The following TACR3 variants were observed in gnomAD, a reference collection of about 807,000 sequenced individuals.
The protein encoded by TACR3 is neuromedin-K receptor.
Under a neutral mutation model 35.0 loss-of-function variants are expected in TACR3, and 34 were observed. The ratio of observed to expected loss-of-function variants is 0.97; its 90% confidence interval spans 0.74 to 1.30. The LOEUF is 1.30. Ranked by LOEUF, TACR3 falls within the 50% of genes most tolerant of loss-of-function variation. The pLI is 0.00. For missense variants in TACR3, 558 were observed against 591.7 expected (o/e 0.94, Z 0.59); for synonymous variants, 233 against 221.1 (o/e 1.05, Z -0.48).
chr4:103,650,724 A>ATTTTTTT lies in TACR3; in HGVS notation c.888+5469_888+5470insAAAAAAA, dbSNP rs1553971532. On this transcript the variant is annotated intron_variant, in intron 3 of 4. Coordinates refer to ENST00000304883, the MANE Select transcript of TACR3 (RefSeq NM_001059.3). Reference sequence around the variant, plus strand: ...TTATATATATAAATATATATAAATAAATATATATTATATCATATATAATAT... The same window carrying ATTTTTTT: ...TTATATATATAAATATATATAAATAATTTTTTTATATATATTATATCATATATAATAT... Among the ~76,000 whole-genome samples, 55 of 47,830 alleles carry ATTTTTTT rather than the reference A, an allele frequency of 1.1e-3. 2 individuals are homozygous for ATTTTTTT. Among genetic ancestry groups the ATTTTTTT allele is most frequent in the Non-Finnish European group, 1.5e-3 (50 of 33,134 alleles). 31.4% of individuals were successfully genotyped at this position (47,830 alleles called of 152,430 possible). A position where few individuals can be genotyped will look rare whatever the true frequency, so the allele number is the denominator to read the frequency against.
Position 103,641,060 on chromosome 4 carries a change from C to A in TACR3, c.888+15134G>T, listed in dbSNP as rs551499832. ...AAGGCTTACATTTAAGTATTTAATC[C>A]ATTTTGAGTTGATTTTTATATACTA... On this transcript the variant is annotated intron_variant, in intron 3 of 4. Coordinates refer to ENST00000304883, the MANE Select transcript of TACR3 (RefSeq NM_001059.3). Among the ~76,000 whole-genome samples, 134 of 151,868 alleles carry A rather than the reference C, an allele frequency of 8.8e-4. 2 individuals are homozygous for A. The highest frequency in any genetic ancestry group is 3.2e-3 in the African/African-American group (132 of 41,436).
intron 1 of TACR3, among the ~76,000 whole-genome samples, chr4:103,673,639 A>G (rs1726098836): frequency 6.6e-6 from 1 of 151,914 alleles, no homozygotes. Flanking sequence ...ACTATTGCCA[A>G]AATGTGACAC....
intron 1 of TACR3, among the ~76,000 whole-genome samples, chr4:103,682,592 C>G (rs1462758609): frequency 6.6e-6 from 1 of 152,070 alleles, no homozygotes; most frequent in Non-Finnish European, 1.5e-5. Context: ...ATGGGGATTA[C>G]AATTTGAGGT....
At chr4:103,642,806 G>T (rs1273504041) in intron 3 of TACR3, among the ~76,000 whole-genome samples, 1 of 151,806 alleles carries the variant, frequency 6.6e-6, no homozygotes, top group Non-Finnish European at 1.5e-5. Context: ...TAAAATAGCT[G>T]TAAGAAAGAT....
At chr4:103,596,055 C>A (rs1444109895) in intron 3 of TACR3, among the ~76,000 whole-genome samples, 1 of 151,048 alleles carries the variant, frequency 6.6e-6, no homozygotes, top group Non-Finnish European at 1.5e-5. Context: ...CCAATTTCAT[C>A]CATGTCCCTA....
chr4:103,594,731 G>T (rs942376251), intron 3 of TACR3, among the ~76,000 whole-genome samples: 3 of 152,206 alleles, frequency 2.0e-5, no homozygotes, highest in Non-Finnish European at 4.4e-5. Flanking sequence ...AAATTAAAAT[G>T]CATGTGGAAA....
rs541528433 is a variant in TACR3, at chr4:103,653,178, T to G, written c.888+3016A>C. 8.5e-5 allele frequency among the ~76,000 whole-genome samples: 13 copies of G among 152,256 alleles called. No individual in the cohort carries two copies. The East Asian group carries it at 2.5e-3, about 29-fold the overall frequency. On this transcript the variant is annotated intron_variant, in intron 3 of 4. Transcript: ENST00000304883. ...AGACATATAAACTGGAACTTTAAAA[T>G]GTCTTACTTTTTTGAAATATTCTAG... is the stretch of plus-strand genomic sequence containing the variant.
At chr4:103,714,703 G>A (rs1578270398) in intron 1 of TACR3, among the ~76,000 whole-genome samples, 1 of 152,072 alleles carries the variant, frequency 6.6e-6, no homozygotes, top group South Asian at 2.1e-4. Flanking sequence ...CTAGAGTGCA[G>A]AGAAAGGATA....
chr4:103,624,461 A>C (rs1435582485), intron 3 of TACR3: 5 of 152,188 alleles, frequency 3.3e-5, no homozygotes, highest in Non-Finnish European at 7.4e-5. Flanking sequence ...TCAAATAAAA[A>C]AAGATTAAAG....
rs747673482 is a variant in TACR3, at chr4:103,591,656, T to C, written c.916A>G (p.Met306Val). 4.0e-5 allele frequency: 65 copies of C among 1,613,242 alleles called. No individual in the cohort carries two copies. Among genetic ancestry groups the C allele is most frequent in the Non-Finnish European group, 5.3e-5 (63 of 1,179,698 alleles). ...GGCAGCCAGCAGATAGCAAATGTCA[T>C]GACAACAATAATCATCATTTTGACA... The part of the protein sequence containing the change: ...KVVKMMIIVV[M>V]TFAICWLPYH... The change falls in exon 4 of 5, where the codon ATG (methionine) becomes GTG (valine). Residue 306 changes from methionine to valine, a missense_variant. Transcript: ENST00000304883.
intron 1 of TACR3, among the ~76,000 whole-genome samples, chr4:103,679,198 A>G (rs1246848332): frequency 6.6e-6 from 1 of 152,080 alleles, no homozygotes; most frequent in Non-Finnish European, 1.5e-5. Context: ...GCCCATTTGC[A>G]TTGCTTTCTT....
At chr4:103,701,867 A>T (rs932185061) in intron 1 of TACR3, among the ~76,000 whole-genome samples, 2 of 152,184 alleles carry the variant, frequency 1.3e-5, no homozygotes, top group African/African-American at 4.8e-5. Flanking sequence ...CTGAAACTGG[A>T]TCCCTTCCTT....
intron 3 of TACR3, among the ~76,000 whole-genome samples, chr4:103,615,373 T>C (rs1236357694): frequency 7.1e-6 from 1 of 140,716 alleles, no homozygotes; most frequent in Admixed American, 7.2e-5. Flanking sequence ...TATTTCCTGC[T>C]ATCGTGTGTG....
At chr4:103,693,973 G>A (rs1260734259) in intron 1 of TACR3, among the ~76,000 whole-genome samples, 1 of 151,880 alleles carries the variant, frequency 6.6e-6, no homozygotes. Flanking sequence ...CGTATTTTGG[G>A]AAATTATACT....
chr4:103,714,866 A>G (rs1723053054), intron 1 of TACR3, among the ~76,000 whole-genome samples: 2 of 152,314 alleles, frequency 1.3e-5, no homozygotes, highest in South Asian at 2.1e-4. Flanking sequence ...TCATGACTCT[A>G]TATTTTTATT....
At chr4:103,654,816 T>G (rs956886996) in intron 3 of TACR3, among the ~76,000 whole-genome samples, 1 of 151,970 alleles carries the variant, frequency 6.6e-6, no homozygotes, top group Non-Finnish European at 1.5e-5. Context: ...ACCTAAGATA[T>G]AGCTATAAGA....
At chr4:103,679,130 T>A (rs773421157) in intron 1 of TACR3, among the ~76,000 whole-genome samples, 28 of 152,112 alleles carry the variant, frequency 1.8e-4, no homozygotes, top group Non-Finnish European at 3.4e-4. Context: ...ATCCTCTATG[T>A]TGCATTACTG....
intron 3 of TACR3, among the ~76,000 whole-genome samples, chr4:103,653,448 C>T (rs11737398): frequency 0.41 from 62,100 of 151,852 alleles, 14,699 homozygotes; most frequent in African/African-American, 0.66. Context: ...AATCTACAAT[C>T]ACTGGGTTTA....
rs57837921 is a variant in TACR3, at chr4:103,618,564, C to CTT, written c.889-26883_889-26882dup. Among the ~76,000 whole-genome samples, 273 of 61,430 alleles carry CTT rather than the reference C, an allele frequency of 4.4e-3. 12 individuals carry two copies. Among genetic ancestry groups the CTT allele is most frequent in the African/African-American group, 6.5e-3 (72 of 11,018 alleles). The allele number at this position is 61,430 out of a possible 152,430, so 40.3% of individuals were successfully genotyped here. ...CTTAGGATTGCTTTGGTGACTTGGG[C>CTT]TTTTTTTTTTTTTTTTTTTTTTTTT... On this transcript the variant is annotated intron_variant, in intron 3 of 4. Transcript: ENST00000304883.
Sources: allele counts gnomAD v4.1 joint callset (sites outside exome capture counted in the v4.1 genomes callset), GRCh38; gene constraint gnomAD v4.1.1; transcripts MANE v1.5; gene names NCBI Gene and HGNC (gene_info 2026-07-23, HGNC 2026-07-21).